Variants in NLRP11 observed in about 807,000 individuals in gnomAD.
The protein encoded by NLRP11 is NLR family pyrin domain containing 11, also known as NACHT, LRR and PYD domains-containing protein 11.
In NLRP11, 53 loss-of-function variants were observed where a neutral mutation model predicts 79.3. The ratio of observed to expected loss-of-function variants is 0.67; its 90% confidence interval spans 0.54 to 0.84. NLRP11 has a LOEUF of 0.84. NLRP11 is among the 40% of genes least tolerant of loss of function. The pLI is 0.00. For synonymous variants in NLRP11, 518 were observed against 462.6 expected (o/e 1.12, Z -1.54); for missense variants, 1,264 against 1,255.0 (o/e 1.01, Z -0.11).
intron 4 of NLRP11, among the ~76,000 whole-genome samples, chr19:55,804,865 C>T (rs991658907): frequency 6.6e-6 from 1 of 152,066 alleles, no homozygotes; most frequent in Non-Finnish European, 1.5e-5. Flanking sequence ...GAAATCGAGA[C>T]CATCCTGGCT....
intron 1 of NLRP11, among the ~76,000 whole-genome samples, chr19:55,828,165 A>G (rs1456752538): frequency 2.6e-5 from 4 of 151,446 alleles, no homozygotes; most frequent in South Asian, 2.1e-4. Context: ...CTATCACAAG[A>G]ACAAAAAACC....
At chr19:55,821,605 G>A (rs1024748026) in intron 1 of NLRP11, among the ~76,000 whole-genome samples, 3 of 152,134 alleles carry the variant, frequency 2.0e-5, no homozygotes, top group African/African-American at 7.2e-5. Context: ...CCTTGCAGCA[G>A]GCAAACCCAT....
chr19:55,795,189 C>T (rs1300647850), intron 6 of NLRP11, among the ~76,000 whole-genome samples: 3 of 152,086 alleles, frequency 2.0e-5, no homozygotes, highest in Admixed American at 6.5e-5. Context: ...CGGAAGTCTG[C>T]CTTTCTAGCC....
At chr19:55,810,455 C>A (rs1980499685) in intron 2 of NLRP11, 117 bp from the exon 3 acceptor site, 1 of 838,570 alleles carries the variant, frequency 1.2e-6, no homozygotes, top group South Asian at 1.8e-5. Context: ...TTTTTACTTA[C>A]TACTGCTTAT....
At chr19:55,800,194 T>G (rs867362792) in intron 5 of NLRP11, among the ~76,000 whole-genome samples, 2 of 152,190 alleles carry the variant, frequency 1.3e-5, no homozygotes, top group Admixed American at 6.5e-5. Context: ...GCAAGTGGTA[T>G]TATCCAATAT....
intron 1 of NLRP11, among the ~76,000 whole-genome samples, chr19:55,822,623 T>TC (rs1981869584): frequency 6.6e-6 from 1 of 152,062 alleles, no homozygotes; most frequent in Admixed American, 6.5e-5. Flanking sequence ...GTCAGGGAGT[T>TC]CCCTTTCCGA....
At chr19:55,818,208 G>C (rs1247437386) in exon 2 of NLRP11, 35 of 1,568,242 alleles carry the variant, frequency 2.2e-5, no homozygotes, top group Non-Finnish European at 2.7e-5. Context: ...CTTCAGAGAA[G>C]GGATTTTGAG....
At chr19:55,791,600 A>T (rs1338897816) in intron 7 of NLRP11, among the ~76,000 whole-genome samples, 3 of 152,242 alleles carry the variant, frequency 2.0e-5, no homozygotes, top group Non-Finnish European at 4.4e-5. Context: ...CTGAGCCCAA[A>T]AAAAGGCATT....
chr19:55,820,965 C>T (rs74467178), intron 1 of NLRP11, among the ~76,000 whole-genome samples: 6,881 of 151,858 alleles, frequency 0.045, 404 homozygotes, highest in African/African-American at 0.13. Context: ...GCATCTGGAA[C>T]CTGGATGTGG....
chr19:55,792,031 A>C (rs1317308991), intron 7 of NLRP11, among the ~76,000 whole-genome samples: 1 of 87,078 alleles, frequency 1.1e-5, no homozygotes, highest in Non-Finnish European at 3.0e-5. Flanking sequence ...TGCTATGTCC[A>C]CCCGGGGCAG....
intron 4 of NLRP11, among the ~76,000 whole-genome samples, chr19:55,804,138 C>A (rs763099867): frequency 4.6e-5 from 7 of 152,074 alleles, no homozygotes; most frequent in Non-Finnish European, 8.8e-5. Context: ...AAAACAGATG[C>A]TGGCAAGGAT....
At chr19:55,806,698 T>A (rs571563324) in intron 4 of NLRP11, among the ~76,000 whole-genome samples, 2 of 152,082 alleles carry the variant, frequency 1.3e-5, no homozygotes, top group Non-Finnish European at 2.9e-5. Context: ...TCAAAACCCC[T>A]CAAAATGCCT....
intron 7 of NLRP11, among the ~76,000 whole-genome samples, chr19:55,792,085 T>G (rs1990265603): frequency 6.6e-6 from 1 of 152,112 alleles, no homozygotes; most frequent in South Asian, 2.1e-4. Context: ...GTGATAAGGA[T>G]CTGAGGGATT....
chr19:55,787,897 T>C (rs73933373), intron 9 of NLRP11, among the ~76,000 whole-genome samples: 9,578 of 152,222 alleles, frequency 0.063, 905 homozygotes, highest in African/African-American at 0.21. Context: ...AACAACCACA[T>C]GATCTTAGAA....
chr19:55,826,412 AG>A (rs1359368141), intron 1 of NLRP11, among the ~76,000 whole-genome samples: 3 of 140,384 alleles, frequency 2.1e-5, no homozygotes, highest in African/African-American at 5.4e-5. Flanking sequence ...AGTTCTGGCC[AG>A]GGCAATTAGG....
intron 6 of NLRP11, among the ~76,000 whole-genome samples, chr19:55,795,018 A>G (rs1288639856): frequency 6.6e-6 from 1 of 152,164 alleles, no homozygotes; most frequent in Non-Finnish European, 1.5e-5. Flanking sequence ...TGGAATTTGG[A>G]ATTGTGAACG....
chr19:55,828,752 T>G (rs957811449), intron 1 of NLRP11, among the ~76,000 whole-genome samples: 3 of 152,218 alleles, frequency 2.0e-5, no homozygotes, highest in Non-Finnish European at 2.9e-5. Context: ...GACTTAATAT[T>G]TAATTAAGAA....
chr19:55,800,985 G>T (rs1979420702), intron 5 of NLRP11: 1 of 152,240 alleles, frequency 6.6e-6, no homozygotes, highest in African/African-American at 2.4e-5. Flanking sequence ...TTTGAGACAA[G>T]CCTGACCAAC....
intron 4 of NLRP11, among the ~76,000 whole-genome samples, chr19:55,804,125 A>C (rs1979751606): frequency 6.6e-6 from 1 of 152,016 alleles, no homozygotes; most frequent in South Asian, 2.1e-4. Flanking sequence ...TGTGTGTATA[A>C]ATAAAACAGA....
Sources: gnomAD v4.1 joint callset for allele counts (sites outside exome capture counted in the v4.1 genomes callset) on GRCh38, gnomAD v4.1.1 for gene constraint, MANE v1.5 for transcripts, NCBI Gene and HGNC (gene_info 2026-07-23, HGNC 2026-07-21) for gene names.